The following UXS1 variants were observed in gnomAD, a reference collection of about 807,000 sequenced individuals.
UXS1 encodes the protein UDP-glucuronate decarboxylase 1, also known as UDP-glucuronic acid decarboxylase 1.
In UXS1, 33 loss-of-function variants were observed where a neutral mutation model predicts 62.6. The ratio of observed to expected loss-of-function variants is 0.53; its 90% CI spans 0.40 to 0.70. UXS1 has a LOEUF of 0.70. UXS1 is among the 30% of genes least tolerant of loss of function. UXS1 has a pLI of 0.00. For missense variants in UXS1, 434 were observed against 556.3 expected, an observed-to-expected ratio of 0.78 and a Z score of 2.21; for synonymous variants, 213 against 206.8, an observed-to-expected ratio of 1.03 and a Z score of -0.26.
intron 6 of UXS1, among the ~76,000 whole-genome samples, chr2:106,141,622 T>C (rs1681103166): frequency 6.6e-6 from 1 of 151,940 alleles, no homozygotes; most frequent in Non-Finnish European, 1.5e-5. Flanking sequence ...CATGCCTGGG[T>C]AATTTTTGTA....
intron 9 of UXS1, among the ~76,000 whole-genome samples, chr2:106,121,012 T>G (rs991323548): frequency 6.6e-6 from 1 of 152,152 alleles, no homozygotes; most frequent in Non-Finnish European, 1.5e-5. Flanking sequence ...GAGACCTATG[T>G]GAGCAGGAAT....
At chr2:106,104,911 G>A (rs2104854189) in intron 10 of UXS1, 74 bp from the exon 11 acceptor site, 1 of 1,585,470 alleles carries the variant, frequency 6.3e-7, no homozygotes, top group East Asian at 2.2e-5. Flanking sequence ...GAAACTCCAG[G>A]GGACACAGTC....
chr2:106,139,935 G>A (rs1017951469), intron 6 of UXS1, among the ~76,000 whole-genome samples: 34 of 152,132 alleles, frequency 2.2e-4, no homozygotes, highest in Admixed American at 7.9e-4. Flanking sequence ...TGAGTCAGAG[G>A]TCTTACAGAA....
At chr2:106,156,417 A>T (rs1044261502) in intron 5 of UXS1, among the ~76,000 whole-genome samples, 1 of 152,194 alleles carries the variant, frequency 6.6e-6, no homozygotes, top group African/African-American at 2.4e-5. Flanking sequence ...GAGAAACTGG[A>T]ACACTCATAT....
intron 10 of UXS1, among the ~76,000 whole-genome samples, 190 bp downstream of exon 10, chr2:106,112,456 A>G (rs1472336059): frequency 1.3e-5 from 2 of 152,170 alleles, no homozygotes; most frequent in Non-Finnish European, 2.9e-5. Flanking sequence ...AGGTGACTCT[A>G]GTTTCGTGGA....
Position 106,153,371 on chromosome 2 carries a change from G to A in UXS1, c.291+4687C>T, listed in dbSNP as rs1180375387. ...CTGCACAGGCTTAATAGAGAAATCAGGGAAAGAGACTGTCAGCATGAGCCT... is the reference window on the plus strand; with the variant it reads ...CTGCACAGGCTTAATAGAGAAATCAAGGAAAGAGACTGTCAGCATGAGCCT... On this transcript the variant is annotated intron_variant, in intron 5 of 14. Transcript: ENST00000283148. 3.3e-5 allele frequency among the ~76,000 whole-genome samples: 5 copies of A among 152,276 alleles called. No individual in the cohort carries two copies. The East Asian group carries it at 9.7e-4, about 29-fold the overall frequency.
At chr2:106,194,094 C>A (rs1162917117) in intron 1 of UXS1, 54 bp downstream of exon 1, 3 of 1,394,804 alleles carry the variant, frequency 2.2e-6, no homozygotes, top group Non-Finnish European at 2.8e-6. Context: ...CCCGGCCCAC[C>A]GCGGCGCCGG....
intron 9 of UXS1, among the ~76,000 whole-genome samples, chr2:106,117,363 G>C (rs1451635516): frequency 6.6e-6 from 1 of 152,172 alleles, no homozygotes; most frequent in Non-Finnish European, 1.5e-5. Flanking sequence ...GAATTTTGGT[G>C]ATGTTTTTGT....
chr2:106,184,973 A>G (rs1225714680), intron 1 of UXS1, among the ~76,000 whole-genome samples: 1 of 152,210 alleles, frequency 6.6e-6, no homozygotes, highest in African/African-American at 2.4e-5. Flanking sequence ...CACTTCAGGC[A>G]TGTTCATCAA....
intron 1 of UXS1, among the ~76,000 whole-genome samples, chr2:106,188,499 TG>T (rs1176368973): frequency 1.2e-4 from 19 of 152,118 alleles, no homozygotes; most frequent in African/African-American, 4.6e-4. Context: ...AGAAGACAGG[TG>T]GCTCCATCTC....
intron 1 of UXS1, among the ~76,000 whole-genome samples, chr2:106,176,926 T>G (rs1324405416): frequency 6.6e-6 from 1 of 152,152 alleles, no homozygotes; most frequent in African/African-American, 2.4e-5. Flanking sequence ...GGCTCTGAAA[T>G]CCAGCTATAA....
chr2:106,099,203 C>T (rs1465384767), intron 12 of UXS1, among the ~76,000 whole-genome samples: 1 of 152,194 alleles, frequency 6.6e-6, no homozygotes, highest in African/African-American at 2.4e-5. Flanking sequence ...TAATCTCACA[C>T]CCAAAAGCTA....
intron 6 of UXS1, among the ~76,000 whole-genome samples, chr2:106,143,336 G>C (rs150056656): frequency 0.017 from 2,433 of 140,416 alleles, 32 homozygotes; most frequent in Non-Finnish European, 0.025. Flanking sequence ...GTGAACCCGG[G>C]AGGCAGAGCT....
At chr2:106,097,592 G>T in intron 13 of UXS1, 1 of 243,478 alleles carries the variant, frequency 4.1e-6, no homozygotes. Flanking sequence ...TGTTTCTCAA[G>T]CGTCAGCACG....
chr2:106,142,025 C>T (rs950456953), intron 6 of UXS1, among the ~76,000 whole-genome samples: 1 of 151,862 alleles, frequency 6.6e-6, no homozygotes, highest in African/African-American at 2.4e-5. Flanking sequence ...CATGCACAAG[C>T]ATGCCCAGCT....
At chr2:106,149,450 A>G (rs1003368405) in intron 5 of UXS1, among the ~76,000 whole-genome samples, 1 of 152,222 alleles carries the variant, frequency 6.6e-6, no homozygotes, top group African/African-American at 2.4e-5. Flanking sequence ...TGCCATTATC[A>G]GAGGAGTGAG....
intron 5 of UXS1, among the ~76,000 whole-genome samples, chr2:106,148,435 C>T (rs1681753715): frequency 2.0e-5 from 3 of 152,130 alleles, no homozygotes; most frequent in Admixed American, 2.0e-4. Context: ...TTTCTGAAAA[C>T]AAAATGTTCA....
chr2:106,128,080 G>A (rs2104941944), intron 7 of UXS1, among the ~76,000 whole-genome samples: 1 of 152,280 alleles, frequency 6.6e-6, no homozygotes, highest in South Asian at 2.1e-4. Flanking sequence ...CCCCGAGTAG[G>A]AAGAATAAAC....
At chr2:106,095,683 G>C (rs1050144061) in intron 14 of UXS1, among the ~76,000 whole-genome samples, 5 of 152,158 alleles carry the variant, frequency 3.3e-5, no homozygotes, top group African/African-American at 4.8e-5. Context: ...TGCCCGAGGG[G>C]AGCCCGAATT....
Sources: allele counts gnomAD v4.1 joint callset (sites outside exome capture counted in the v4.1 genomes callset), GRCh38; gene constraint gnomAD v4.1.1; transcripts MANE v1.5; gene names NCBI Gene and HGNC (gene_info 2026-07-23, HGNC 2026-07-21).